NHERF2: variants seen among roughly 807,000 people sequenced by gnomAD.
NHERF2 encodes the protein Na(+)/H(+) exchange regulatory cofactor NHE-RF2.
chr16:2,027,505 GC>G, the NHERF2 span, among the ~76,000 whole-genome samples: 3 of 152,248 alleles, frequency 2.0e-5, no homozygotes, highest in Non-Finnish European at 4.4e-5. Context: ...AGGGTGTTGG[GC>G]CGCCTGGAGC....
At chr16:2,035,946 G>C in the NHERF2 span, 9,376 of 222,336 alleles carry the variant, frequency 0.042, 915 homozygotes, top group African/African-American at 0.2. Flanking sequence ...AGAGCCCGGG[G>C]CAGGGGGACG....
At chr16:2,029,796 G>A in the NHERF2 span, 2 of 1,530,402 alleles carry the variant, frequency 1.3e-6, no homozygotes, top group Non-Finnish European at 1.8e-6. Flanking sequence ...TGGCGGGCTT[G>A]GCCCACAGGG....
chr16:2,036,205 C>G, the NHERF2 span: 9 of 1,059,388 alleles, frequency 8.5e-6, no homozygotes, highest in East Asian at 2.1e-4. Flanking sequence ...GCCACTGAGA[C>G]CTGGGCCTGC....
the NHERF2 span, chr16:2,036,966 T>TCAC: frequency 6.4e-7 from 1 of 1,553,848 alleles, no homozygotes; most frequent in African/African-American, 1.4e-5. Context: ...TCCTCTGCCG[T>TCAC]CACCCGTCAC....
chr16:2,036,817 G>A, the NHERF2 span: 13 of 1,613,250 alleles, frequency 8.1e-6, no homozygotes, highest in Non-Finnish European at 1.1e-5. Flanking sequence ...TGCTGGTCGT[G>A]GACCCCGAGA....
chr16:2,026,924 C>T, the NHERF2 span: 1 of 468,114 alleles, frequency 2.1e-6, no homozygotes. Flanking sequence ...CCGCTGAAGC[C>T]ACCGCCGGGT....
chr16:2,027,599 A>G, the NHERF2 span, among the ~76,000 whole-genome samples: 34 of 152,274 alleles, frequency 2.2e-4, no homozygotes, highest in South Asian at 6.0e-3. Context: ...GGGCGTGTGT[A>G]TGCAGGTCCC....
chr16:2,033,917 C>T, the NHERF2 span, among the ~76,000 whole-genome samples: 2 of 152,226 alleles, frequency 1.3e-5, no homozygotes, highest in East Asian at 1.9e-4. Context: ...GCCACTGGGA[C>T]CCTGCTGACA....
chr16:2,037,140 C>G, the NHERF2 span: 2 of 1,060,242 alleles, frequency 1.9e-6, no homozygotes, highest in South Asian at 1.5e-5. Flanking sequence ...CTTTAATGCC[C>G]CTGTGGGTCT....
At chr16:2,032,868 C>G in the NHERF2 span, 1 of 1,017,916 alleles carries the variant, frequency 9.8e-7, no homozygotes, top group Non-Finnish European at 1.2e-6. This position sits in a 1 kb window ranked among gnomAD's most constrained non-coding sequence, Gnocchi z 4.0. Flanking sequence ...CCCCCTGCCC[C>G]TAGCCCATGT....
the NHERF2 span, among the ~76,000 whole-genome samples, chr16:2,032,346 C>T: frequency 6.6e-6 from 1 of 152,230 alleles, no homozygotes; most frequent in Non-Finnish European, 1.5e-5. The surrounding 1 kb of genome is among the most constrained non-coding windows in gnomAD (Gnocchi z 4.0). Context: ...TTCACCTGAG[C>T]TCCCAGCATG....
the NHERF2 span, chr16:2,032,787 A>G: frequency 6.0e-6 from 6 of 993,922 alleles, no homozygotes; most frequent in Non-Finnish European, 7.2e-6. This position sits in a 1 kb window ranked among gnomAD's most constrained non-coding sequence, Gnocchi z 4.0. Context: ...GACAGGGGAC[A>G]GCCCCCAAAC....
the NHERF2 span, chr16:2,033,025 C>T: frequency 1.6e-6 from 2 of 1,222,970 alleles, no homozygotes; most frequent in Non-Finnish European, 2.1e-6. Context: ...CTCAACAGGA[C>T]CGTCCTGTGT....
At chr16:2,034,947 G>A in the NHERF2 span, among the ~76,000 whole-genome samples, 2 of 152,228 alleles carry the variant, frequency 1.3e-5, no homozygotes, top group Admixed American at 6.5e-5. Flanking sequence ...TGGGGGAGGA[G>A]TGAGTCTATG....
At chr16:2,037,477 T>G in the NHERF2 span, 3 of 1,363,964 alleles carry the variant, frequency 2.2e-6, no homozygotes, top group Non-Finnish European at 3.1e-6. Flanking sequence ...TCTGTGCACA[T>G]GTGTGCGTGT....
the NHERF2 span, chr16:2,037,409 A>C: frequency 1.1e-6 from 1 of 906,436 alleles, no homozygotes; most frequent in East Asian, 2.6e-5. Context: ...TCTGGAGTCC[A>C]CCAGAGGCCC....
the NHERF2 span, chr16:2,026,975 G>A: frequency 6.1e-6 from 6 of 989,532 alleles, no homozygotes; most frequent in Non-Finnish European, 7.3e-6. Flanking sequence ...CCGCGCCCCT[G>A]CCCGCGGGCG....
the NHERF2 span, chr16:2,038,728 G>A: frequency 5.5e-6 from 1 of 182,444 alleles, no homozygotes; most frequent in East Asian, 1.9e-4. Context: ...TGGGCTCTCC[G>A]AGGGGCCTGA....
At chr16:2,036,150 A>T in the NHERF2 span, 2 of 614,700 alleles carry the variant, frequency 3.3e-6, no homozygotes, top group Non-Finnish European at 5.4e-6. Flanking sequence ...CCAAGTTCCC[A>T]CAGCTAAAGC....
Sources: allele counts gnomAD v4.1 joint callset (sites outside exome capture counted in the v4.1 genomes callset), GRCh38; gene constraint gnomAD v4.1.1; non-coding constraint Gnocchi (gnomAD v3.1); transcripts MANE v1.5; gene names NCBI Gene and HGNC (gene_info 2026-07-23, HGNC 2026-07-21).